The following CPT1A variants were observed in gnomAD, a reference collection of about 807,000 sequenced individuals.
CPT1A encodes carnitine palmitoyltransferase 1A.
A neutral mutation model predicts 100.8 loss-of-function variants in CPT1A; 64 were observed. The observed-to-expected ratio is 0.63, with a 90% CI of 0.52 to 0.78. The LOEUF is 0.78. Ranked by LOEUF, CPT1A falls within the 30% of genes least tolerant of loss-of-function variation. The pLI, the probability that CPT1A is intolerant of heterozygous loss-of-function variation, is 0.00. For synonymous variants in CPT1A, 363 were observed against 396.0 expected (o/e 0.92, Z 0.99); for missense variants, 802 against 1,034.1 (o/e 0.78, Z 3.08).
intron 1 of CPT1A, among the ~76,000 whole-genome samples, chr11:68,832,129 C>T (rs1412296340): frequency 1.3e-5 from 2 of 152,162 alleles, no homozygotes; most frequent in East Asian, 1.9e-4. Flanking sequence ...AGTGTCACAG[C>T]CAGCAAATAG....
In CPT1A at chr11:68,807,530, G is replaced by A. The variant is rs188016546; in HGVS notation, c.390C>T (p.Leu130=). 2.0e-5 allele frequency: 33 copies of A among 1,614,180 alleles called. No homozygotes were observed. In the East Asian group the frequency reaches 6.2e-4, roughly 31 times the overall value. The change falls in exon 4 of 19, where the codon CTC becomes CTT. Residue 130 remains leucine, a synonymous_variant. Coordinates refer to ENST00000265641, the MANE Select transcript of CPT1A (RefSeq NM_001876.4). Reference sequence around the variant, plus strand: ...CAGTGAACATCCACCCGTGGTAGGAGAGCAGCACTTTCAGGGAGTAGCGCA... The same window carrying A: ...CAGTGAACATCCACCCGTGGTAGGAAAGCAGCACTTTCAGGGAGTAGCGCA... The part of the protein sequence containing the change: ...VTMRYSLKVL[L]SYHGWMFTEH...
chr11:68,784,996 T>G lies in CPT1A; in HGVS notation c.982A>C (p.Met328Leu). The G allele has an allele frequency of 6.2e-7, 1 of 1,613,808 alleles. No homozygotes were observed. The highest frequency in any genetic ancestry group is 2.2e-5 in the East Asian group (1 of 44,874). ...PGEETDTIQH[M>L]RDSKHIVVYH... ...ACGACGATGTGCTTGCTGTCTCTCA[T>G]GTGCTGGATGGTGTCTGAGCCGGCC... The change falls in exon 10 of 19, where the codon ATG becomes CTG. Residue 328 changes from methionine to leucine, a missense_variant. Met to Leu is a conservative substitution (Grantham distance 15, BLOSUM62 2). Transcript: ENST00000265641.
intron 14 of CPT1A, among the ~76,000 whole-genome samples, chr11:68,766,849 A>G (rs1179573358): frequency 6.6e-6 from 1 of 152,164 alleles, no homozygotes; most frequent in African/African-American, 2.4e-5. Context: ...AAAGAAAAGA[A>G]AAAGGAAACT....
chr11:68,764,951 C>G (rs1478141696), intron 14 of CPT1A, among the ~76,000 whole-genome samples: 1 of 152,228 alleles, frequency 6.6e-6, no homozygotes, highest in Non-Finnish European at 1.5e-5. Context: ...CTCTCTTCCC[C>G]AACCCACAGA....
intron 12 of CPT1A, among the ~76,000 whole-genome samples, chr11:68,776,639 G>A (rs1415319734): frequency 2.0e-5 from 3 of 152,172 alleles, no homozygotes; most frequent in Admixed American, 2.0e-4. Flanking sequence ...AGCACTTTGG[G>A]AGGCCAAGGC....
Position 68,841,147 on chromosome 11 carries a change from C to G in CPT1A, c.-14+628G>C, listed in dbSNP as rs575306809. Among the ~76,000 whole-genome samples the G allele has an allele frequency of 2.0e-5, 3 of 152,320 alleles. No individual in the cohort carries two copies. Among genetic ancestry groups the G allele is most frequent in the South Asian group, 4.1e-4 (2 of 4,828 alleles). ...GACGCTGGGATGGGGTCAGCGGCGC[C>G]CTGCCGAATCCCGAGGGCCGAGCAC... On this transcript the variant is annotated intron_variant, in intron 1 of 18. Coordinates refer to ENST00000265641, the MANE Select transcript of CPT1A (RefSeq NM_001876.4). The surrounding 1 kb of genome is among the most constrained non-coding windows in gnomAD (Gnocchi z 6.3).
intron 9 of CPT1A, among the ~76,000 whole-genome samples, chr11:68,792,298 C>CT (rs1855638587): frequency 6.6e-6 from 1 of 152,104 alleles, no homozygotes; most frequent in Admixed American, 6.5e-5. Context: ...GATCGCGCCA[C>CT]TGCACTCCAG....
At chr11:68,827,388 G>A (rs1307366405) in intron 1 of CPT1A, among the ~76,000 whole-genome samples, 2 of 152,116 alleles carry the variant, frequency 1.3e-5, no homozygotes, top group South Asian at 4.1e-4. Flanking sequence ...CAGCAAGACT[G>A]TTTTCTGTCT....
At chr11:68,758,900 G>A (rs1398165647) in intron 18 of CPT1A, among the ~76,000 whole-genome samples, 2 of 151,984 alleles carry the variant, frequency 1.3e-5, no homozygotes, top group African/African-American at 4.8e-5. Context: ...TTATAGGTGT[G>A]AGCCACCGTG....
At chr11:68,760,536 G>T (rs1387048440) in intron 16 of CPT1A, among the ~76,000 whole-genome samples, 198 bp from the exon 17 acceptor site, 1 of 151,972 alleles carries the variant, frequency 6.6e-6, no homozygotes, top group Non-Finnish European at 1.5e-5. Flanking sequence ...CCAGACTGGG[G>T]CAGGGAGTGC....
chr11:68,760,189 G>C (rs775818327), intron 17 of CPT1A, 36 bp downstream of exon 17: 19 of 1,451,346 alleles, frequency 1.3e-5, no homozygotes, highest in Non-Finnish European at 1.8e-5. Flanking sequence ...CCATCACCAC[G>C]CCCCACTGCG....
At chr11:68,778,513 A>G (rs1247712956) in intron 12 of CPT1A, among the ~76,000 whole-genome samples, 1 of 152,064 alleles carries the variant, frequency 6.6e-6, no homozygotes, top group Admixed American at 6.6e-5. Flanking sequence ...AGGCGGGTGG[A>G]TCACTTGAGG....
chr11:68,763,780 G>C (rs1174710133), intron 14 of CPT1A, among the ~76,000 whole-genome samples: 1 of 152,188 alleles, frequency 6.6e-6, no homozygotes, highest in Admixed American at 6.5e-5. Flanking sequence ...GCGCTCACTC[G>C]TGGGGAGGGG....
At chr11:68,768,825 T>C (rs1033556726) in intron 14 of CPT1A, among the ~76,000 whole-genome samples, 4 of 152,248 alleles carry the variant, frequency 2.6e-5, no homozygotes, top group Non-Finnish European at 5.9e-5. Context: ...TCCAACTGTG[T>C]GGTCTGTGCT....
intron 1 of CPT1A, among the ~76,000 whole-genome samples, chr11:68,815,937 C>T (rs1195651086): frequency 6.6e-6 from 1 of 150,438 alleles, no homozygotes; most frequent in Non-Finnish European, 1.5e-5. Flanking sequence ...TACCCCAACC[C>T]TGGCCCTGGA....
At chr11:68,808,790 A>C (rs1341878870) in intron 3 of CPT1A, among the ~76,000 whole-genome samples, 4 of 152,002 alleles carry the variant, frequency 2.6e-5, no homozygotes, top group Admixed American at 2.0e-4. Context: ...TATATAACCT[A>C]AAGGTGTCCC....
Position 68,784,819 on chromosome 11 carries a change from C to T in CPT1A, c.1159G>A (p.Asp387Asn), listed in dbSNP as rs765962159. 1.9e-6 allele frequency: 3 copies of T among 1,608,978 alleles called. No homozygotes were observed. In the South Asian group the frequency reaches 3.3e-5, roughly 18 times the overall value. ...CAAGGGACCTAGGCTGCGCACCTGT[C>T]TCCTGCGGTGAGGGCTGCCAGCCTG... ...EARLAALTAG[D>N]RVPWARCRQA... is the part of the protein sequence containing the mutation. The change falls in exon 10 of 19, where the codon GAC (aspartate) becomes AAC (asparagine). Residue 387 changes from aspartate to asparagine, a missense_variant. This residue lies in a region of CPT1A where 627 missense variants were observed against 799.3 expected (regional missense o/e 0.78). Coordinates refer to ENST00000265641, the MANE Select transcript of CPT1A (RefSeq NM_001876.4).
intron 13 of CPT1A, among the ~76,000 whole-genome samples, chr11:68,774,411 C>T (rs2153996963): frequency 6.6e-6 from 1 of 152,034 alleles, no homozygotes; most frequent in South Asian, 2.1e-4. Context: ...CACACAGTGG[C>T]AATCAAGAAA....
chr11:68,805,491 G>A (rs148311224), intron 4 of CPT1A, among the ~76,000 whole-genome samples: 4 of 151,772 alleles, frequency 2.6e-5, no homozygotes, highest in East Asian at 1.9e-4. Context: ...GTGGAGTCCC[G>A]GTGTGTGGTG....
Sources: gnomAD v4.1 joint callset for allele counts (sites outside exome capture counted in the v4.1 genomes callset) on GRCh38, gnomAD v4.1.1 for gene constraint, gnomAD v4.1.1 regional missense constraint, Gnocchi (gnomAD v3.1) non-coding constraint, MANE v1.5 for transcripts, NCBI Gene and HGNC (gene_info 2026-07-23, HGNC 2026-07-21) for gene names.